The following FILIP1L variants were observed in gnomAD, a reference collection of about 807,000 sequenced individuals.
The protein encoded by FILIP1L is filamin A-interacting protein 1-like.
In FILIP1L, 55 loss-of-function variants were observed where a neutral mutation model predicts 96.6. The ratio of observed to expected loss-of-function variants is 0.57; its 90% CI spans 0.46 to 0.71. The LOEUF (loss-of-function observed/expected upper bound fraction) is 0.71, where lower values mean the gene tolerates loss of function less well. Among genes scored for constraint, FILIP1L ranks in the 30% least tolerant of loss-of-function variants. The probability of loss-of-function intolerance (pLI) is 0.00; values close to 1 mark genes in which losing one functional copy is unlikely to be tolerated. For synonymous variants in FILIP1L, 467 were observed against 473.9 expected, an observed-to-expected ratio of 0.99 and a Z score of 0.19; for missense variants, 1,304 against 1,321.2, an observed-to-expected ratio of 0.99 and a Z score of 0.20.
At chr3:99,841,178 T>C (rs960918460) in intron 5 of FILIP1L, among the ~76,000 whole-genome samples, 1 of 152,236 alleles carries the variant, frequency 6.6e-6, no homozygotes, top group African/African-American at 2.4e-5. Context: ...AGACACAAGT[T>C]TGGTTGCATA....
At chr3:99,936,782 T>C (rs2107670757) in intron 1 of FILIP1L, among the ~76,000 whole-genome samples, 1 of 151,966 alleles carries the variant, frequency 6.6e-6, no homozygotes, top group East Asian at 2.0e-4. Flanking sequence ...ACTAAATCAC[T>C]ATGCTGTATC....
intron 1 of FILIP1L, among the ~76,000 whole-genome samples, chr3:100,017,551 G>A (rs572041011): frequency 6.6e-6 from 1 of 152,274 alleles, no homozygotes; most frequent in African/African-American, 2.4e-5. Flanking sequence ...TATGTACTTT[G>A]TGCTGTCAGC....
Position 99,945,278 on chromosome 3 carries a change from C to G in FILIP1L, c.-10-14248G>C, listed in dbSNP as rs371817066. ...TCCCACTCATCGCTACGAAGGAGTGCTTTCCCCATACTCCCTCATGAGGTG... is the reference window on the plus strand; with the variant it reads ...TCCCACTCATCGCTACGAAGGAGTGGTTTCCCCATACTCCCTCATGAGGTG... On this transcript the variant is annotated intron_variant, in intron 1 of 5. Transcript: ENST00000477258. Among the ~76,000 whole-genome samples the G allele has an allele frequency of 2.0e-4, 31 of 152,332 alleles. No homozygotes were observed. The East Asian group carries it at 4.6e-3, about 23-fold the overall frequency.
chr3:100,111,846 T>C (rs2066496305), intron 1 of FILIP1L, among the ~76,000 whole-genome samples: 1 of 152,238 alleles, frequency 6.6e-6, no homozygotes, highest in Non-Finnish European at 1.5e-5. Context: ...ATGTGTTTTC[T>C]AATTCAATTA....
At chr3:99,964,915 A>C (rs897122385) in intron 1 of FILIP1L, among the ~76,000 whole-genome samples, 5 of 152,218 alleles carry the variant, frequency 3.3e-5, no homozygotes, top group African/African-American at 1.2e-4. Context: ...CAGATACAAT[A>C]GTTTCCCAGG....
rs1481034180 is a variant in FILIP1L, at chr3:99,929,945, T to C, written c.337A>G (p.Lys113Glu). 4 of 1,614,138 alleles carry C rather than the reference T, an allele frequency of 2.5e-6. No homozygotes were observed. Among genetic ancestry groups the C allele is most frequent in the Non-Finnish European group, 3.4e-6 (4 of 1,180,014 alleles). The change falls in exon 3 of 6, where the codon AAA (lysine) becomes GAA (glutamate). Residue 113 changes from lysine to glutamate, a missense_variant. Physicochemically the swap from Lys to Glu is moderately conservative, Grantham distance 56. Coordinates refer to ENST00000477258, the MANE Select transcript of FILIP1L (RefSeq NM_001387850.1). ...LEAQYGFVTP[K>E]KVLEALQRDA... ...CTCTGGAGAGCCTCTAACACCTTTT[T>C]TGGAGTGACAAACCCATACTGAGCT...
chr3:99,909,703 A>G (rs962373868), intron 4 of FILIP1L, among the ~76,000 whole-genome samples: 1 of 152,176 alleles, frequency 6.6e-6, no homozygotes, highest in Non-Finnish European at 1.5e-5. Context: ...TCACACTGCT[A>G]ATTTTATTTA....
chr3:99,951,718 C>G (rs1406133368), intron 1 of FILIP1L, among the ~76,000 whole-genome samples: 1 of 152,130 alleles, frequency 6.6e-6, no homozygotes, highest in African/African-American at 2.4e-5. Flanking sequence ...CTAATTGACC[C>G]AATAGGTACC....
rs1371410618 is a variant in FILIP1L, at chr3:99,828,906, C to G, written c.*1508G>C. ...TGGGACTGCTGCCCATCATCCCTCT[C>G]AATGCTGCCTATCATCCCTCTCAAT... On this transcript the variant is annotated 3_prime_UTR_variant, in exon 6 of 6. Transcript: ENST00000477258. Among the ~76,000 whole-genome samples, 1 of 152,104 alleles carries G rather than the reference C, an allele frequency of 6.6e-6. No homozygotes were observed. Among genetic ancestry groups the G allele is most frequent in the African/African-American group, 2.4e-5 (1 of 41,396 alleles).
chr3:99,860,661 A>G (rs1284183994), intron 4 of FILIP1L, among the ~76,000 whole-genome samples: 1 of 152,184 alleles, frequency 6.6e-6, no homozygotes, highest in African/African-American at 2.4e-5. Context: ...GACACTGTCC[A>G]TGCTGCTATG....
intron 1 of FILIP1L, among the ~76,000 whole-genome samples, chr3:99,978,977 A>T (rs1709046034): frequency 6.6e-6 from 1 of 152,112 alleles, no homozygotes; most frequent in African/African-American, 2.4e-5. Context: ...TGGTTAACAG[A>T]TACAAAATTA....
intron 1 of FILIP1L, among the ~76,000 whole-genome samples, chr3:100,071,772 C>T (rs898859689): frequency 6.6e-6 from 1 of 152,194 alleles, no homozygotes; most frequent in South Asian, 2.1e-4. Flanking sequence ...TGACTTTTCA[C>T]CTCTTATTGT....
At chr3:100,036,322 A>T (rs1447782861) in intron 1 of FILIP1L, among the ~76,000 whole-genome samples, 1 of 152,168 alleles carries the variant, frequency 6.6e-6, no homozygotes. Context: ...GAAAAAAAAG[A>T]TGAGCCTGGA....
At chr3:99,954,789 G>A (rs1321563993) in intron 1 of FILIP1L, among the ~76,000 whole-genome samples, 1 of 151,496 alleles carries the variant, frequency 6.6e-6, no homozygotes, top group African/African-American at 2.4e-5. Flanking sequence ...TCACACCACT[G>A]CACTCCAGCC....
chr3:99,957,895 C>G (rs1262755525), intron 1 of FILIP1L, among the ~76,000 whole-genome samples: 1 of 149,482 alleles, frequency 6.7e-6, no homozygotes, highest in Non-Finnish European at 1.5e-5. Context: ...TTTTTAGATT[C>G]AACAAAACCT....
chr3:99,909,658 G>A (rs1353401646), intron 4 of FILIP1L, among the ~76,000 whole-genome samples: 1 of 152,236 alleles, frequency 6.6e-6, no homozygotes, highest in African/African-American at 2.4e-5. Flanking sequence ...TATCAAGTGT[G>A]TCATGTTTTT....
intron 4 of FILIP1L, among the ~76,000 whole-genome samples, chr3:99,905,139 A>C (rs768521195): frequency 4.6e-5 from 7 of 152,186 alleles, no homozygotes; most frequent in Non-Finnish European, 1.0e-4. Context: ...ACCTTCCTAG[A>C]TAGCTTATCC....
chr3:99,986,977 C>T (rs923104811), intron 1 of FILIP1L, among the ~76,000 whole-genome samples: 1 of 151,968 alleles, frequency 6.6e-6, no homozygotes, highest in Admixed American at 6.6e-5. Flanking sequence ...GCCTATAATC[C>T]TAGCCCTTTG....
At chr3:99,998,678 T>C (rs1195481755) in intron 1 of FILIP1L, among the ~76,000 whole-genome samples, 2 of 152,208 alleles carry the variant, frequency 1.3e-5, no homozygotes, top group African/African-American at 4.8e-5. Flanking sequence ...TTCTCCCGCC[T>C]CAGCCTCCCC....
Sources: gnomAD v4.1 joint callset for allele counts (sites outside exome capture counted in the v4.1 genomes callset) on GRCh38, gnomAD v4.1.1 for gene constraint, MANE v1.5 for transcripts, NCBI Gene and HGNC (gene_info 2026-07-23, HGNC 2026-07-21) for gene names.